TSHZ2: variants seen among roughly 807,000 people sequenced by gnomAD.
TSHZ2 encodes the protein teashirt homolog 2.
TSHZ2 carries 21 observed loss-of-function variants against 74.4 expected under a neutral mutation model. The ratio of observed to expected loss-of-function variants is 0.28; its 90% CI spans 0.20 to 0.41. TSHZ2 has a LOEUF of 0.41. Ranked by LOEUF, TSHZ2 falls within the 10% of genes least tolerant of loss-of-function variation. TSHZ2 has a pLI of 1.00. For synonymous variants in TSHZ2, 540 were observed against 515.3 expected, an observed-to-expected ratio of 1.05 and a Z score of -0.65; for missense variants, 1,244 against 1,293.5, an observed-to-expected ratio of 0.96 and a Z score of 0.59.
intron 1 of TSHZ2, among the ~76,000 whole-genome samples, chr20:53,151,634 T>A (rs1003202022): frequency 2.0e-5 from 3 of 152,194 alleles, no homozygotes; most frequent in Non-Finnish European, 4.4e-5. Context: ...TTCAATAGAT[T>A]TTTCTGCTAC....
At chr20:53,420,751 A>T (rs937269333) in intron 2 of TSHZ2, among the ~76,000 whole-genome samples, 3 of 152,158 alleles carry the variant, frequency 2.0e-5, no homozygotes, top group Admixed American at 6.5e-5. Flanking sequence ...CGACAGAGCA[A>T]GACTCTGTCT....
At chr20:53,118,470 A>T (rs1471028681) in intron 1 of TSHZ2, among the ~76,000 whole-genome samples, 3 of 152,132 alleles carry the variant, frequency 2.0e-5, no homozygotes, top group African/African-American at 7.2e-5. Flanking sequence ...ACAGGGCAGG[A>T]GAAAGATGAG....
chr20:53,194,855 T>C (rs181978173), intron 1 of TSHZ2, among the ~76,000 whole-genome samples: 12 of 152,372 alleles, frequency 7.9e-5, no homozygotes, highest in Admixed American at 7.2e-4. Context: ...GTGCTGAGTT[T>C]CACTTTGGAA....
intron 1 of TSHZ2, among the ~76,000 whole-genome samples, chr20:52,984,890 G>C (rs925780642): frequency 6.6e-6 from 1 of 152,188 alleles, no homozygotes; most frequent in Non-Finnish European, 1.5e-5. Flanking sequence ...AGCTGTCCAG[G>C]AGAAATCAGA....
At chr20:53,301,193 AGT>A (rs2145481241) in intron 2 of TSHZ2, among the ~76,000 whole-genome samples, 1 of 152,244 alleles carries the variant, frequency 6.6e-6, no homozygotes, top group African/African-American at 2.4e-5. Flanking sequence ...CCTGACCTCA[AGT>A]GATCCTCCCA....
intron 2 of TSHZ2, among the ~76,000 whole-genome samples, chr20:53,288,196 G>T (rs1281507020): frequency 6.6e-6 from 1 of 152,094 alleles, no homozygotes; most frequent in Non-Finnish European, 1.5e-5. Flanking sequence ...TTGAGGTCAG[G>T]AGTTCGAGAC....
intron 1 of TSHZ2, among the ~76,000 whole-genome samples, chr20:53,035,522 G>A (rs1983786203): frequency 6.6e-6 from 1 of 152,132 alleles, no homozygotes; most frequent in Non-Finnish European, 1.5e-5. Context: ...TGCAAGATAG[G>A]AATCAAGAAA....
intron 2 of TSHZ2, among the ~76,000 whole-genome samples, chr20:53,298,542 G>A (rs1991424173): frequency 6.6e-6 from 1 of 152,212 alleles, no homozygotes; most frequent in South Asian, 2.1e-4. Flanking sequence ...TCACATACGA[G>A]AAGGAGCTTG....
chr20:53,050,130 T>TATATATATATATATATATATATAC (rs1555819319), intron 1 of TSHZ2, among the ~76,000 whole-genome samples: 2 of 88,346 alleles, frequency 2.3e-5, no homozygotes, highest in African/African-American at 6.8e-5. Context: ...TATATACACA[T>TATATATATATATATATATATATAC]ATATATATGT....
chr20:53,254,705 G>A lies in TSHZ2; in HGVS notation c.1247G>A (p.Gly416Glu), dbSNP rs761268888. ...LKVTSSASKK[G>E]KQLVLDPLAV... ...GTCACCAGCTCTGCCTCCAAGAAAGGGAAGCAGCTGGTATTAGACCCGTTA... is the reference window on the plus strand; with the variant it reads ...GTCACCAGCTCTGCCTCCAAGAAAGAGAAGCAGCTGGTATTAGACCCGTTA... Residue 416 changes from glycine to glutamate, a missense_variant, in exon 2 of 3, where the codon GGG (glycine) becomes GAG (glutamate). Around this residue, in one of 6 missense-constraint regions of TSHZ2, gnomAD observed 562 missense variants for 544.0 expected, o/e 1.03. Transcript: ENST00000371497. 46 of 1,614,188 alleles carry A rather than the reference G, an allele frequency of 2.8e-5. No homozygotes were observed. The highest frequency in any genetic ancestry group is 1.3e-5 in the Non-Finnish European group (15 of 1,180,012).
intron 2 of TSHZ2, among the ~76,000 whole-genome samples, chr20:53,281,730 T>C (rs1227105749): frequency 6.6e-6 from 1 of 151,806 alleles, no homozygotes; most frequent in African/African-American, 2.4e-5. Flanking sequence ...AGTAAGGGAG[T>C]AGGGAAGCAG....
chr20:53,473,860 G>A lies in TSHZ2; in HGVS notation c.*9-13284G>A, dbSNP rs547745720. Among the ~76,000 whole-genome samples the A allele has an allele frequency of 3.3e-5, 5 of 152,326 alleles. No homozygotes were observed. In the South Asian group the frequency reaches 1.0e-3, roughly 32 times the overall value. ...AAGGCTGGAGAACTACGTGAAGAAG[G>A]CAGAAACCTCAGGAAGCGATGCAAT... On this transcript the variant is annotated intron_variant, in intron 2 of 2. Transcript: ENST00000371497.
chr20:53,121,727 AT>A (rs2123352589), intron 1 of TSHZ2, among the ~76,000 whole-genome samples: 1 of 152,154 alleles, frequency 6.6e-6, no homozygotes, highest in South Asian at 2.1e-4. Context: ...AAGAAAACAC[AT>A]TTTCCAGCGA....
rs3042185 is a variant in TSHZ2, at chr20:53,394,761, C to CAAAAA, written c.*9-92368_*9-92364dup. ...GCAAACATCACTAATCAATCTGTCTCAAAAAAAAAAAAAAAAAAACTGTTC... is the reference window on the plus strand; with the variant it reads ...GCAAACATCACTAATCAATCTGTCTCAAAAAAAAAAAAAAAAAAAAAAAACTGTTC... On this transcript the variant is annotated intron_variant, in intron 2 of 2. Coordinates refer to ENST00000371497, the MANE Select transcript of TSHZ2 (RefSeq NM_173485.6). 3.2e-3 allele frequency among the ~76,000 whole-genome samples: 234 copies of CAAAAA among 72,342 alleles called. 15 individuals are homozygous for CAAAAA. The highest frequency in any genetic ancestry group is 0.01 in the African/African-American group (194 of 18,622). The allele number at this position is 72,342 out of a possible 152,430, so 47.5% of individuals were successfully genotyped here. A position where few individuals can be genotyped will look rare whatever the true frequency, so the allele number is the denominator to read the frequency against.
chr20:53,154,882 A>G (rs1411789512), intron 1 of TSHZ2, among the ~76,000 whole-genome samples: 1 of 152,112 alleles, frequency 6.6e-6, no homozygotes, highest in Admixed American at 6.5e-5. Context: ...TGCCATCATC[A>G]TTATCATTAT....
At chr20:53,348,894 A>T (rs756809584) in intron 2 of TSHZ2, among the ~76,000 whole-genome samples, 3 of 152,218 alleles carry the variant, frequency 2.0e-5, no homozygotes, top group Non-Finnish European at 4.4e-5. Flanking sequence ...TTTCTTCAGG[A>T]GCTGCCTTCC....
intron 1 of TSHZ2, among the ~76,000 whole-genome samples, chr20:53,040,556 A>ACCCCGT (rs1383469242): frequency 6.7e-6 from 1 of 149,232 alleles, no homozygotes. Flanking sequence ...GTTTGCTCCC[A>ACCCCGT]CCCCGTCCCC....
At chr20:53,212,708 GT>G (rs1600744468) in intron 1 of TSHZ2, among the ~76,000 whole-genome samples, 1 of 152,184 alleles carries the variant, frequency 6.6e-6, no homozygotes, top group Non-Finnish European at 1.5e-5. Context: ...ACTTTCCTCT[GT>G]GCCGGCTTCA....
At chr20:53,399,331 A>G (rs1982567816) in intron 2 of TSHZ2, 1 of 152,180 alleles carries the variant, frequency 6.6e-6, no homozygotes, top group Admixed American at 6.5e-5. Context: ...TTCCTCCAGC[A>G]TCTGACTCAT....
Sources: gnomAD v4.1 joint callset for allele counts (sites outside exome capture counted in the v4.1 genomes callset) on GRCh38, gnomAD v4.1.1 for gene constraint, gnomAD v4.1.1 regional missense constraint, MANE v1.5 for transcripts, NCBI Gene and HGNC (gene_info 2026-07-23, HGNC 2026-07-21) for gene names.